Variants in PRIMA1 observed in about 807,000 individuals in gnomAD.
PRIMA1 encodes the protein proline rich membrane anchor 1.
A neutral mutation model predicts 17.5 loss-of-function variants in PRIMA1; 7 were observed. The ratio of observed to expected loss-of-function variants is 0.40; its 90% CI spans 0.23 to 0.75. The LOEUF is 0.75. Among genes scored for constraint, PRIMA1 ranks in the 30% least tolerant of loss-of-function variants. The probability of loss-of-function intolerance (pLI) is 0.37; values close to 1 mark genes in which losing one functional copy is unlikely to be tolerated. For synonymous variants in PRIMA1, 97 were observed against 77.9 expected (o/e 1.25, Z -1.29); for missense variants, 200 against 201.8 (o/e 0.99, Z 0.05).
chr14:93,761,534 T>C (rs879321212), intron 3 of PRIMA1, among the ~76,000 whole-genome samples: 3 of 152,166 alleles, frequency 2.0e-5, no homozygotes, highest in Non-Finnish European at 2.9e-5. Flanking sequence ...GACCCTTGTA[T>C]GTGCTGTTCC....
intron 3 of PRIMA1, among the ~76,000 whole-genome samples, chr14:93,759,510 T>TGTGTGTGCGTGTGCAC (rs2076313495): frequency 1.3e-5 from 2 of 151,768 alleles, no homozygotes; most frequent in Admixed American, 6.6e-5. Context: ...TGCGTGTGCA[T>TGTGTGTGCGTGTGCAC]GTGTGTGTGC....
At position 93,781,634 on chromosome 14, in the gene PRIMA1, G is replaced by GA. The variant is rs538083137; in HGVS notation, c.94-2324dup. Among the ~76,000 whole-genome samples the GA allele has an allele frequency of 3.1e-3, 475 of 152,350 alleles. 2 individuals carry two copies. Among genetic ancestry groups the GA allele is most frequent in the African/African-American group, 9.5e-3 (395 of 41,580 alleles). ...GTTTAATGTGATGAAGCTCTAGGCA[G>GA]AAAAATCAGGGCCAAATTTCAAGGC... is the stretch of plus-strand genomic sequence containing the variant. On this transcript the variant is annotated intron_variant, in intron 2 of 4. Transcript: ENST00000393140.
chr14:93,729,607 T>A (rs1008133778), intron 4 of PRIMA1, among the ~76,000 whole-genome samples: 1 of 152,180 alleles, frequency 6.6e-6, no homozygotes, highest in Non-Finnish European at 1.5e-5. Context: ...TGGCCAACCT[T>A]TTCTTCCCCA....
intron 3 of PRIMA1, among the ~76,000 whole-genome samples, chr14:93,745,939 C>T (rs913973376): frequency 6.6e-6 from 1 of 152,190 alleles, no homozygotes; most frequent in Admixed American, 6.5e-5. Flanking sequence ...GGTGCAAAGA[C>T]AACGTGAGAG....
intron 2 of PRIMA1, among the ~76,000 whole-genome samples, chr14:93,784,083 G>T (rs55647508): frequency 1.3e-5 from 2 of 152,004 alleles, no homozygotes; most frequent in Non-Finnish European, 2.9e-5. Context: ...TCTCATCTAG[G>T]ATTGCCAGAT....
chr14:93,753,457 TA>T (rs1232102547), intron 3 of PRIMA1, among the ~76,000 whole-genome samples: 2 of 152,148 alleles, frequency 1.3e-5, no homozygotes, highest in Non-Finnish European at 2.9e-5. Flanking sequence ...GGTACAGGGA[TA>T]GGGGGTAGGC....
chr14:93,738,250 G>A (rs1474198956), intron 3 of PRIMA1, among the ~76,000 whole-genome samples: 1 of 152,258 alleles, frequency 6.6e-6, no homozygotes, highest in African/African-American at 2.4e-5. Context: ...TCTTGGGGTG[G>A]ACCTGAAGGA....
At chr14:93,781,952 G>A (rs1010845813) in intron 2 of PRIMA1, among the ~76,000 whole-genome samples, 20 of 151,224 alleles carry the variant, frequency 1.3e-4, no homozygotes, top group African/African-American at 4.4e-4. Context: ...CAGCCTAGGC[G>A]ACAGAGCAAA....
At chr14:93,746,878 T>G (rs983250398) in intron 3 of PRIMA1, among the ~76,000 whole-genome samples, 17 of 151,880 alleles carry the variant, frequency 1.1e-4, no homozygotes, top group African/African-American at 3.6e-4. Flanking sequence ...GCTGTGCTTG[T>G]GGGAGGAGGA....
At chr14:93,747,885 AGT>A (rs373915504) in intron 3 of PRIMA1, among the ~76,000 whole-genome samples, 60 of 133,710 alleles carry the variant, frequency 4.5e-4, no homozygotes, top group Admixed American at 3.5e-3. Context: ...TGAGTGGGAG[AGT>A]GTGTGTATGA....
intron 2 of PRIMA1, among the ~76,000 whole-genome samples, chr14:93,780,049 C>T (rs568930385): frequency 1.7e-4 from 26 of 152,376 alleles, no homozygotes; most frequent in African/African-American, 4.6e-4. Context: ...ACAACCTCTC[C>T]GGCCCCACCT....
intron 3 of PRIMA1, among the ~76,000 whole-genome samples, chr14:93,772,785 G>A (rs1022782858): frequency 1.3e-5 from 2 of 152,162 alleles, no homozygotes; most frequent in East Asian, 1.9e-4. Flanking sequence ...CACCTCCTTC[G>A]AGAGCCCATC....
chr14:93,729,412 T>C (rs754736342), intron 4 of PRIMA1, among the ~76,000 whole-genome samples: 8 of 152,140 alleles, frequency 5.3e-5, no homozygotes, highest in Non-Finnish European at 7.4e-5. Flanking sequence ...GGGAACCACA[T>C]TGAGACCCTA....
chr14:93,739,503 G>T (rs1355036523), intron 3 of PRIMA1, among the ~76,000 whole-genome samples: 2 of 152,188 alleles, frequency 1.3e-5, no homozygotes, highest in South Asian at 4.1e-4. Context: ...GAGTGGAACG[G>T]CTGGGTTGTG....
At chr14:93,788,042 G>A (rs973720591) in intron 1 of PRIMA1, among the ~76,000 whole-genome samples, 38 of 152,086 alleles carry the variant, frequency 2.5e-4, no homozygotes, top group African/African-American at 8.5e-4. Context: ...TCCAGAAACA[G>A]CCAAGCACAC....
At position 93,734,549 on chromosome 14, in the gene PRIMA1, G is replaced by C. The variant is rs114607234; in HGVS notation, c.359+2692C>G. Among the ~76,000 whole-genome samples, 801 of 152,254 alleles carry C rather than the reference G, an allele frequency of 5.3e-3. 5 individuals are homozygous for C. The highest frequency in any genetic ancestry group is 0.018 in the African/African-American group (765 of 41,538). On this transcript the variant is annotated intron_variant, in intron 4 of 4. Coordinates refer to ENST00000393140, the MANE Select transcript of PRIMA1 (RefSeq NM_178013.4). ...GGTGCTAACCGCCCCCACTCTGCAA[G>C]TCCCTGAGTGCCTCACCTGCCCCAC...
Position 93,719,010 on chromosome 14 carries a change from T to G in PRIMA1, c.*2434A>C, listed in dbSNP as rs2076020410. ...CTCTGTAAGCTCAAAATCTAGTGGGTCTCCCTTGCTGTGCCGTATACTTGT... is the reference window on the plus strand; with the variant it reads ...CTCTGTAAGCTCAAAATCTAGTGGGGCTCCCTTGCTGTGCCGTATACTTGT... On this transcript the variant is annotated 3_prime_UTR_variant, in exon 5 of 5. Transcript: ENST00000393140. The G allele has an allele frequency of 6.6e-6, 1 of 152,068 alleles. No individual in the cohort carries two copies. Among genetic ancestry groups the G allele is most frequent in the Non-Finnish European group, 1.5e-5 (1 of 68,026 alleles). The allele number at this position is 152,068 out of a possible 1,614,324, so 9.4% of individuals were successfully genotyped here.
intron 3 of PRIMA1, among the ~76,000 whole-genome samples, chr14:93,759,196 G>C (rs1299809633): frequency 6.6e-6 from 1 of 152,168 alleles, no homozygotes; most frequent in Non-Finnish European, 1.5e-5. Flanking sequence ...CTAAGCAGTT[G>C]CTCAGCGGGT....
At chr14:93,732,106 G>T (rs540607793) in intron 4 of PRIMA1, among the ~76,000 whole-genome samples, 1 of 152,324 alleles carries the variant, frequency 6.6e-6, no homozygotes, top group Admixed American at 6.5e-5. Flanking sequence ...GAGGGAAATG[G>T]CTGTCCAGTG....
Sources: allele counts gnomAD v4.1 joint callset (sites outside exome capture counted in the v4.1 genomes callset), GRCh38; gene constraint gnomAD v4.1.1; transcripts MANE v1.5; gene names NCBI Gene and HGNC (gene_info 2026-07-23, HGNC 2026-07-21).